Variants in HNF4G observed in about 807,000 individuals in gnomAD.
The protein encoded by HNF4G is hepatocyte nuclear factor 4 gamma, also known as hepatocyte nuclear factor 4-gamma.
In HNF4G, 21 loss-of-function variants were observed where a neutral mutation model predicts 50.9. The ratio of observed to expected loss-of-function variants is 0.41; its 90% CI spans 0.29 to 0.59. The LOEUF (loss-of-function observed/expected upper bound fraction) is 0.59, where lower values mean the gene tolerates loss of function less well. HNF4G is among the 20% of genes least tolerant of loss of function. The pLI is 0.26. For missense variants in HNF4G, 527 were observed against 559.4 expected, an observed-to-expected ratio of 0.94 and a Z score of 0.58; for synonymous variants, 198 against 185.6, an observed-to-expected ratio of 1.07 and a Z score of -0.54.
In HNF4G at chr8:75,558,689, A is replaced by G; in HGVS notation, c.886+19A>G. 1 of 1,602,532 alleles carries G rather than the reference A, an allele frequency of 6.2e-7. No homozygotes were observed. The highest frequency in any genetic ancestry group is 8.5e-7 in the Non-Finnish European group (1 of 1,172,858). On this transcript the variant is annotated intron_variant, in intron 7 of 9. Coordinates refer to ENST00000396423, the MANE Select transcript of HNF4G (RefSeq NM_004133.5). The stretch of plus-strand genomic sequence containing the variant: ...GATCCAGGTTGGTTTTCAAAATTCC[A>G]CTAGAGAATTAATATAATAAAAATT...
chr8:75,519,329 G>C (rs915052298), intron 2 of HNF4G, among the ~76,000 whole-genome samples: 4 of 152,118 alleles, frequency 2.6e-5, no homozygotes, highest in African/African-American at 9.7e-5. Flanking sequence ...ACATCTTCCT[G>C]TCTTCTTCTG....
chr8:75,480,914 G>A (rs568310205), intron 1 of HNF4G, among the ~76,000 whole-genome samples: 1 of 151,950 alleles, frequency 6.6e-6, no homozygotes, highest in Admixed American at 6.6e-5. Flanking sequence ...ACGGAGTTTC[G>A]CCATGTTGGG....
chr8:75,553,300 A>G, intron 5 of HNF4G, 103 bp downstream of exon 5: 2 of 913,680 alleles, frequency 2.2e-6, no homozygotes, highest in Non-Finnish European at 3.3e-6. Flanking sequence ...ATATTACTGT[A>G]TTTGGCAAAA....
chr8:75,560,371 A>G lies in HNF4G; in HGVS notation c.1151A>G (p.His384Arg), dbSNP rs1585960330. The stretch of plus-strand genomic sequence containing the variant: ...GCTTCCAATGATGGCAGTCATCTCC[A>G]TCATCCAATGCATCCACATTTGTCT... The part of the protein sequence containing the change: ...GGASNDGSHL[H>R]HPMHPHLSQD... The change falls in exon 9 of 10, where the codon CAT becomes CGT. Residue 384 changes from histidine to arginine, a missense_variant. By Grantham distance (29) the His-to-Arg change is conservative (BLOSUM62 0). Around this residue, in one of 5 missense-constraint regions of HNF4G, gnomAD observed 308 missense variants for 301.5 expected, o/e 1.02. Transcript: ENST00000396423. 4 of 1,613,322 alleles carry G rather than the reference A, an allele frequency of 2.5e-6. No individual in the cohort carries two copies. The highest frequency in any genetic ancestry group is 2.5e-6 in the Non-Finnish European group (3 of 1,179,510).
chr8:75,473,842 G>A (rs934098004), intron 1 of HNF4G, among the ~76,000 whole-genome samples: 1 of 151,844 alleles, frequency 6.6e-6, no homozygotes, highest in Admixed American at 6.6e-5. Flanking sequence ...TCTTGGGCAC[G>A]GTTTGGGTAG....
intron 2 of HNF4G, among the ~76,000 whole-genome samples, chr8:75,544,268 A>G (rs1018180687): frequency 5.3e-5 from 8 of 152,170 alleles, no homozygotes; most frequent in Non-Finnish European, 1.5e-5. Context: ...CTCCTCTGTC[A>G]CTTTTTCTCC....
chr8:75,507,672 A>T (rs996811474), intron 2 of HNF4G, among the ~76,000 whole-genome samples: 2 of 152,288 alleles, frequency 1.3e-5, no homozygotes, highest in South Asian at 4.1e-4. Context: ...GATGTGCTAT[A>T]CTCTTCAAAT....
intron 2 of HNF4G, among the ~76,000 whole-genome samples, chr8:75,504,903 G>A (rs1013894877): frequency 6.6e-6 from 1 of 152,108 alleles, no homozygotes; most frequent in South Asian, 2.1e-4. Context: ...ACTTTATAAT[G>A]TTGTACTTTT....
Position 75,565,631 on chromosome 8 carries a change from G to T in HNF4G, c.*1535G>T, listed in dbSNP as rs1176795436. ...CTCTGGTTGAGGAGAGGGAAAATTG[G>T]AAAAACTGGTCGAGTAATTATCAAT... On this transcript the variant is annotated 3_prime_UTR_variant, in exon 10 of 10. Transcript: ENST00000396423. The T allele has an allele frequency of 2.0e-5, 3 of 152,048 alleles. No individual in the cohort carries two copies. The highest frequency in any genetic ancestry group is 4.4e-5 in the Non-Finnish European group (3 of 68,000). 9.4% of individuals were successfully genotyped at this position (152,048 alleles called of 1,614,324 possible).
intron 5 of HNF4G, among the ~76,000 whole-genome samples, chr8:75,553,512 A>G (rs541027746): frequency 1.3e-5 from 2 of 152,246 alleles, no homozygotes; most frequent in East Asian, 3.9e-4. Context: ...TCATTGTGAG[A>G]CAAAGTATTA....
intron 2 of HNF4G, among the ~76,000 whole-genome samples, chr8:75,509,659 G>A (rs1159647245): frequency 6.6e-6 from 1 of 152,094 alleles, no homozygotes; most frequent in African/African-American, 2.4e-5. Flanking sequence ...TGATGTTTTG[G>A]TCAACAGTGG....
At chr8:75,425,568 T>C (rs1028530720) in intron 1 of HNF4G, among the ~76,000 whole-genome samples, 2 of 147,896 alleles carry the variant, frequency 1.4e-5, no homozygotes, top group African/African-American at 2.5e-5. Context: ...TTATATAATA[T>C]ATGTTATATA....
chr8:75,551,538 A>C, intron 4 of HNF4G, 44 bp downstream of exon 4: 1 of 1,140,980 alleles, frequency 8.8e-7, no homozygotes, highest in Non-Finnish European at 1.3e-6. Context: ...AATAAAATCA[A>C]ATGTCCATGT....
chr8:75,443,234 T>G (rs866824492), intron 1 of HNF4G, among the ~76,000 whole-genome samples: 1 of 152,116 alleles, frequency 6.6e-6, no homozygotes, highest in Admixed American at 6.6e-5. Flanking sequence ...CCTCCAGAAC[T>G]GTGAGAAATA....
At chr8:75,418,152 G>A (rs563418673) in intron 1 of HNF4G, among the ~76,000 whole-genome samples, 1 of 152,150 alleles carries the variant, frequency 6.6e-6, no homozygotes, top group African/African-American at 2.4e-5. Flanking sequence ...CTTCTCCTTG[G>A]CTTGCAGATG....
At chr8:75,543,315 C>T (rs1806682144) in intron 1 of HNF4G, among the ~76,000 whole-genome samples, 1 of 152,000 alleles carries the variant, frequency 6.6e-6, no homozygotes, top group Admixed American at 6.6e-5. Flanking sequence ...AGATTATTGG[C>T]CCTGGGAAAC....
chr8:75,438,184 A>G (rs1361956129), intron 1 of HNF4G, among the ~76,000 whole-genome samples: 1 of 152,200 alleles, frequency 6.6e-6, no homozygotes, highest in Non-Finnish European at 1.5e-5. Flanking sequence ...ATACATAAAC[A>G]TATGCATATT....
chr8:75,439,989 G>A (rs909275652), intron 1 of HNF4G, among the ~76,000 whole-genome samples: 3 of 151,524 alleles, frequency 2.0e-5, no homozygotes, highest in South Asian at 2.1e-4. Flanking sequence ...GAAGGTGAAA[G>A]CTTCTTAATC....
intron 1 of HNF4G, among the ~76,000 whole-genome samples, chr8:75,430,011 C>A (rs1205519048): frequency 6.6e-6 from 1 of 151,996 alleles, no homozygotes; most frequent in Admixed American, 6.6e-5. Flanking sequence ...ATTAGCCAGG[C>A]ATGGTGGCAT....
Sources: allele counts gnomAD v4.1 joint callset (sites outside exome capture counted in the v4.1 genomes callset), GRCh38; gene constraint gnomAD v4.1.1; regional missense constraint gnomAD v4.1.1; transcripts MANE v1.5; gene names NCBI Gene and HGNC (gene_info 2026-07-23, HGNC 2026-07-21).